Variants in COL19A1 observed in about 807,000 individuals in gnomAD.
The protein encoded by COL19A1 is collagen type XIX alpha 1 chain.
A neutral mutation model predicts 190.2 loss-of-function variants in COL19A1; 159 were observed. The ratio of observed to expected loss-of-function variants is 0.84; its 90% CI spans 0.73 to 0.95. The LOEUF (loss-of-function observed/expected upper bound fraction) is 0.95. Ranked by LOEUF, COL19A1 falls within the 40% of genes least tolerant of loss-of-function variation. The pLI is 0.00. For synonymous variants in COL19A1, 509 were observed against 458.9 expected (o/e 1.11, Z -1.39); for missense variants, 1,418 against 1,431.9 (o/e 0.99, Z 0.16).
chr6:69,937,537 GT>G (rs1212139364), intron 8 of COL19A1, among the ~76,000 whole-genome samples: 1 of 152,090 alleles, frequency 6.6e-6, no homozygotes, highest in Non-Finnish European at 1.5e-5. Context: ...TGGTGTCTTG[GT>G]GGCTTTTTCC....
chr6:70,058,035 C>T (rs1049679056), intron 14 of COL19A1, among the ~76,000 whole-genome samples: 4 of 152,022 alleles, frequency 2.6e-5, no homozygotes, highest in African/African-American at 9.7e-5. Context: ...ATGAGAAGTA[C>T]AGATATCACA....
intron 15 of COL19A1, among the ~76,000 whole-genome samples, chr6:70,080,170 A>C (rs1431608998): frequency 1.3e-5 from 2 of 152,164 alleles, no homozygotes; most frequent in Admixed American, 1.3e-4. Flanking sequence ...TTTAGTGTAG[A>C]TATGATTTAG....
chr6:69,907,601 A>G (rs541726657), intron 4 of COL19A1, among the ~76,000 whole-genome samples: 2 of 152,198 alleles, frequency 1.3e-5, no homozygotes, highest in Non-Finnish European at 2.9e-5. Flanking sequence ...TGTATTCTGC[A>G]TATTTTCCAA....
intron 15 of COL19A1, among the ~76,000 whole-genome samples, chr6:70,088,340 A>G (rs534417531): frequency 2.0e-5 from 3 of 152,236 alleles, no homozygotes; most frequent in South Asian, 4.1e-4. Flanking sequence ...AGATTCACTT[A>G]ATTAATAAAT....
intron 15 of COL19A1, among the ~76,000 whole-genome samples, chr6:70,082,253 A>T (rs77630567): frequency 0.29 from 43,809 of 151,928 alleles, 7,956 homozygotes; most frequent in Non-Finnish European, 0.41. Context: ...TTTTCAAAAT[A>T]CAGCATCACT....
At chr6:70,182,997 C>A (rs895018502) in intron 44 of COL19A1, among the ~76,000 whole-genome samples, 3 of 151,988 alleles carry the variant, frequency 2.0e-5, no homozygotes, top group Non-Finnish European at 4.4e-5. Flanking sequence ...TGAGAGGGGT[C>A]TCTTTTGTTT....
At chr6:69,869,273 G>A (rs2149928667) in intron 1 of COL19A1, among the ~76,000 whole-genome samples, 1 of 152,318 alleles carries the variant, frequency 6.6e-6, no homozygotes, top group Admixed American at 6.5e-5. Flanking sequence ...GAGTAGAGCA[G>A]ATAGCACCTG....
Position 69,936,820 on chromosome 6 carries a change from A to G in COL19A1, c.783A>G (p.Ser261=). 1 of 1,613,160 alleles carries G rather than the reference A, an allele frequency of 6.2e-7. No individual in the cohort carries two copies. Among genetic ancestry groups the G allele is most frequent in the Non-Finnish European group, 8.5e-7 (1 of 1,179,304 alleles). ...PEQDGFGNIA[S]SWVTAHASKM... ...AGGATGGCTTTGGAAATATTGCATCATCATGGGTAACTGCTCATGCCAGTA... is the reference window on the plus strand; with the variant it reads ...AGGATGGCTTTGGAAATATTGCATCGTCATGGGTAACTGCTCATGCCAGTA... The change falls in exon 8 of 51, where the codon TCA becomes TCG. Residue 261 remains serine (S), a synonymous_variant. Transcript: ENST00000620364.
At chr6:69,966,367 G>T (rs1432659986) in intron 11 of COL19A1, among the ~76,000 whole-genome samples, 1 of 152,220 alleles carries the variant, frequency 6.6e-6, no homozygotes, top group East Asian at 1.9e-4. Flanking sequence ...AGATCAGATT[G>T]TTGCTGTGTC....
At position 70,147,398 on chromosome 6, in the gene COL19A1, G is replaced by A. The variant is rs540012058; in HGVS notation, c.1893+509G>A. On this transcript the variant is annotated intron_variant, in intron 27 of 50. Coordinates refer to ENST00000620364, the MANE Select transcript of COL19A1 (RefSeq NM_001858.6). ...TTAAAGTATTTAAACTATAAGGACA[G>A]AGCCTAGAACAGCCCCTATTAATAA... Among the ~76,000 whole-genome samples, 6 of 152,222 alleles carry A rather than the reference G, an allele frequency of 3.9e-5. No individual in the cohort carries two copies. In the South Asian group the frequency reaches 1.2e-3, roughly 32 times the overall value.
At chr6:70,134,027 G>T (rs1220599633) in intron 18 of COL19A1, among the ~76,000 whole-genome samples, 2 of 152,056 alleles carry the variant, frequency 1.3e-5, no homozygotes, top group Non-Finnish European at 2.9e-5. Context: ...TGGCAGATTT[G>T]ATTTTTACAA....
intron 9 of COL19A1, among the ~76,000 whole-genome samples, chr6:69,946,205 G>A (rs896597592): frequency 2.0e-5 from 3 of 151,982 alleles, no homozygotes; most frequent in Non-Finnish European, 4.4e-5. Context: ...TGAAGTAACA[G>A]CAATAGTATT....
chr6:70,138,489 A>G (rs934205748), intron 19 of COL19A1, among the ~76,000 whole-genome samples: 2 of 152,138 alleles, frequency 1.3e-5, no homozygotes, highest in Non-Finnish European at 2.9e-5. Context: ...GGCTTAACAA[A>G]TGTTTCATCT....
At chr6:70,028,919 T>A (rs1778872470) in intron 12 of COL19A1, among the ~76,000 whole-genome samples, 1 of 150,124 alleles carries the variant, frequency 6.7e-6, no homozygotes, top group South Asian at 2.1e-4. Flanking sequence ...AATAGGTACA[T>A]GTTTTTATTT....
chr6:69,928,223 G>A (rs1049341517), intron 5 of COL19A1, among the ~76,000 whole-genome samples, 191 bp downstream of exon 5: 7 of 151,978 alleles, frequency 4.6e-5, no homozygotes, highest in African/African-American at 1.5e-4. Flanking sequence ...TAATATGAGA[G>A]TATAGTGGTA....
chr6:69,908,665 A>T (rs887278296), intron 4 of COL19A1, among the ~76,000 whole-genome samples: 2 of 152,178 alleles, frequency 1.3e-5, no homozygotes, highest in Admixed American at 6.5e-5. Flanking sequence ...TTATTAGTTC[A>T]GTATTGTTAT....
At chr6:70,105,821 T>A (rs1259058588) in intron 16 of COL19A1, among the ~76,000 whole-genome samples, 2 of 152,170 alleles carry the variant, frequency 1.3e-5, no homozygotes, top group Non-Finnish European at 2.9e-5. Flanking sequence ...ATGTATTTTT[T>A]AAAAAATTTT....
rs1768238786 is a variant in COL19A1 at position 70,212,080 on chromosome 6, AC to A, written c.*4808del. Among the ~76,000 whole-genome samples the A allele has an allele frequency of 6.6e-6, 1 of 152,146 alleles. No homozygotes were observed. The highest frequency in any genetic ancestry group is 2.4e-5 in the African/African-American group (1 of 41,436). On this transcript the variant is annotated 3_prime_UTR_variant, in exon 51 of 51. Coordinates refer to ENST00000620364, the MANE Select transcript of COL19A1 (RefSeq NM_001858.6). ...TTATCAGAAGTGTGTGTATTGTGTG[AC>A]CATACTAAGCTTCTGGGTGTAAGTA...
intron 11 of COL19A1, among the ~76,000 whole-genome samples, chr6:70,002,871 T>C (rs1777356797): frequency 6.6e-6 from 1 of 151,532 alleles, no homozygotes; most frequent in Non-Finnish European, 1.5e-5. Flanking sequence ...GTTTTTCGTG[T>C]CTCTATCTCC....
Sources: allele counts gnomAD v4.1 joint callset (sites outside exome capture counted in the v4.1 genomes callset), GRCh38; gene constraint gnomAD v4.1.1; transcripts MANE v1.5; gene names NCBI Gene and HGNC (gene_info 2026-07-23, HGNC 2026-07-21).